Variants in LIPJ observed in about 807,000 individuals in gnomAD.
The protein encoded by LIPJ is lipase family member J, also known as lipase member J.
A neutral mutation model predicts 39.8 loss-of-function variants in LIPJ; 33 were observed. The observed-to-expected ratio is 0.83, with a 90% CI of 0.63 to 1.11. LIPJ has a LOEUF of 1.11. Among genes scored for constraint, LIPJ ranks in the 50% least tolerant of loss-of-function variants. The pLI, the probability that LIPJ is intolerant of heterozygous loss-of-function variation, is 0.00. For missense variants in LIPJ, 422 were observed against 427.9 expected, an observed-to-expected ratio of 0.99 and a Z score of 0.12; for synonymous variants, 128 against 139.2, an observed-to-expected ratio of 0.92 and a Z score of 0.57.
downstream of LIPJ, among the ~76,000 whole-genome samples, chr10:88,608,924 A>G (rs1036785872): frequency 2.6e-5 from 4 of 152,144 alleles, no homozygotes; most frequent in African/African-American, 9.7e-5. Context: ...TATCTTTGTA[A>G]CTTCACTTCA....
chr10:88,610,841 A>C (rs1218065257), downstream of LIPJ, among the ~76,000 whole-genome samples: 1 of 152,264 alleles, frequency 6.6e-6, no homozygotes, highest in East Asian at 1.9e-4. Flanking sequence ...TTTAACCTCT[A>C]CATTACATCA....
At chr10:88,613,802 GTGTGTGTGTGTGTGTA>G in the LIPJ span, among the ~76,000 whole-genome samples, 49 of 51,434 alleles carry the variant, frequency 9.5e-4, no homozygotes, top group African/African-American at 3.5e-3. Flanking sequence ...ATATATATAT[GTGTGTGTGTGTGTGTA>G]TATATATATA....
chr10:88,593,608 T>C (rs933896144), intron 4 of LIPJ: 2 of 167,000 alleles, frequency 1.2e-5, no homozygotes, highest in Non-Finnish European at 2.6e-5. Context: ...TCAACTTTGC[T>C]ATGTAATTGA....
upstream of LIPJ, chr10:88,583,141 G>GCGCAC (rs751805296): frequency 1.2e-6 from 2 of 1,614,106 alleles, no homozygotes; most frequent in East Asian, 2.2e-5. Context: ...CAGCAGCGCA[G>GCGCAC]CGCACAAGCT....
At chr10:88,612,969 T>TA in the LIPJ span, among the ~76,000 whole-genome samples, 1 of 152,204 alleles carries the variant, frequency 6.6e-6, no homozygotes, top group Non-Finnish European at 1.5e-5. Context: ...TTCTTCAAGA[T>TA]AGACCATATG....
At chr10:88,603,377 GAGA>G (rs1333499822) in intron 9 of LIPJ, among the ~76,000 whole-genome samples, 2 of 152,072 alleles carry the variant, frequency 1.3e-5, no homozygotes, top group Non-Finnish European at 2.9e-5. Context: ...TGAGAACCAT[GAGA>G]AGTTTTGTTC....
chr10:88,610,153 G>A, downstream of LIPJ, among the ~76,000 whole-genome samples: 1 of 152,190 alleles, frequency 6.6e-6, no homozygotes, highest in East Asian at 1.9e-4. Flanking sequence ...TTTAGGAGCT[G>A]TAGTCCAGCT....
At chr10:88,587,968 T>C (rs1850962713) in intron 2 of LIPJ, among the ~76,000 whole-genome samples, 1 of 152,084 alleles carries the variant, frequency 6.6e-6, no homozygotes, top group Non-Finnish European at 1.5e-5. Flanking sequence ...TGAGATATTT[T>C]ACATTATCTT....
At chr10:88,602,524 T>A (rs1253965836) in intron 8 of LIPJ, 52 bp from the exon 9 acceptor site, 2 of 1,279,830 alleles carry the variant, frequency 1.6e-6, no homozygotes, top group Non-Finnish European at 2.2e-6. Flanking sequence ...GATTATGCTC[T>A]CTATGATTCA....
At chr10:88,602,732 C>A in intron 9 of LIPJ, 85 bp downstream of exon 9, 1 of 680,082 alleles carries the variant, frequency 1.5e-6, no homozygotes, top group Non-Finnish European at 2.4e-6. Context: ...ATACCATGGC[C>A]ATAGAGTAAT....
intron 9 of LIPJ, among the ~76,000 whole-genome samples, chr10:88,603,022 G>T (rs1590087879): frequency 6.6e-6 from 1 of 152,244 alleles, no homozygotes; most frequent in East Asian, 1.9e-4. Flanking sequence ...AACCCGGGAG[G>T]TGGAGGTTGC....
rs143267407 is a variant in LIPJ, at chr10:88,601,109, T to A, written c.724-1467T>A. 8.6e-3 allele frequency among the ~76,000 whole-genome samples: 1,304 copies of A among 152,012 alleles called. 12 individuals are homozygous for A. The highest frequency in any genetic ancestry group is 0.024 in the Middle Eastern group (7 of 294). ...GACTACCGACACACGCCACCATGAC[T>A]GGCTAATTTTTGTATTTTTAGTAGA... On this transcript the variant is annotated intron_variant, in intron 8 of 10. Coordinates refer to ENST00000371939, the Ensembl canonical transcript of LIPJ.
At chr10:88,609,534 CT>C (rs766778617), downstream of LIPJ, among the ~76,000 whole-genome samples, 18 of 152,060 alleles carry the variant, frequency 1.2e-4, no homozygotes, top group Non-Finnish European at 2.1e-4. Context: ...TAACTTAGAT[CT>C]GGAAAAAGCA....
intron 7 of LIPJ, 36 bp downstream of exon 7, chr10:88,596,452 C>A: frequency 6.9e-7 from 1 of 1,440,154 alleles, no homozygotes; most frequent in Non-Finnish European, 9.2e-7. Flanking sequence ...ATTGATAACC[C>A]AAAGTGATAA....
At chr10:88,584,306 A>G (rs1780522055), upstream of LIPJ, 1 of 152,248 alleles carries the variant, frequency 6.6e-6, no homozygotes, top group African/African-American at 2.4e-5. Context: ...ATAAAAATGA[A>G]AGATGGAATT....
chr10:88,590,676 C>A lies in LIPJ; in HGVS notation c.-12C>A, dbSNP rs372426328. 225 of 1,586,976 alleles carry A rather than the reference C, an allele frequency of 1.4e-4. 1 individual carries two copies. The highest frequency in any genetic ancestry group is 3.2e-4 in the Admixed American group (19 of 59,512). On this transcript the variant is annotated 5_prime_UTR_variant, in exon 3 of 11. Transcript: ENST00000371939. ...CTTTCAAAATTAAAGATCTGTGAAA[C>A]CTGAAGCAGATATGAATATTGTAAG... is the stretch of plus-strand genomic sequence containing the variant.
upstream of LIPJ, chr10:88,583,211 C>T (rs754517683): frequency 6.2e-7 from 1 of 1,612,804 alleles, no homozygotes; most frequent in South Asian, 1.1e-5. Flanking sequence ...AGCAGCGATC[C>T]GCGCTGAGTC....
the LIPJ span, among the ~76,000 whole-genome samples, chr10:88,623,181 A>T: frequency 2.0e-5 from 3 of 152,148 alleles, no homozygotes; most frequent in Non-Finnish European, 4.4e-5. Flanking sequence ...AGTAAAATAC[A>T]GTTTTTACAT....
intron 8 of LIPJ, among the ~76,000 whole-genome samples, chr10:88,599,598 C>T (rs1313959255): frequency 6.6e-6 from 1 of 151,662 alleles, no homozygotes; most frequent in Non-Finnish European, 1.5e-5. Context: ...TCACAAATGG[C>T]AGAATTTTTT....
Sources: allele counts gnomAD v4.1 joint callset (sites outside exome capture counted in the v4.1 genomes callset), GRCh38; gene constraint gnomAD v4.1.1; transcripts MANE v1.5; gene names NCBI Gene and HGNC (gene_info 2026-07-23, HGNC 2026-07-21).